Variants in CBLB observed in about 807,000 individuals in gnomAD.
The protein encoded by CBLB is Cbl proto-oncogene B, also known as E3 ubiquitin-protein ligase CBL-B.
A neutral mutation model predicts 104.9 loss-of-function variants in CBLB; 31 were observed. The observed-to-expected ratio is 0.30, with a 90% CI of 0.22 to 0.40. The LOEUF (loss-of-function observed/expected upper bound fraction) is 0.40. Ranked by LOEUF, CBLB falls within the 10% of genes least tolerant of loss-of-function variation. The pLI, the probability that CBLB is intolerant of heterozygous loss-of-function variation, is 1.00. For synonymous variants in CBLB, 440 were observed against 422.6 expected (o/e 1.04, Z -0.51); for missense variants, 1,062 against 1,214.6 (o/e 0.87, Z 1.87).
At chr3:105,854,569 G>A (rs16851673) in intron 2 of CBLB, among the ~76,000 whole-genome samples, 10,434 of 151,348 alleles carry the variant, frequency 0.069, 525 homozygotes, top group Admixed American at 0.15. Flanking sequence ...AAGATACATG[G>A]CTCTCTTCTA....
At chr3:105,688,882 C>T (rs2067328131) in intron 13 of CBLB, among the ~76,000 whole-genome samples, 1 of 152,078 alleles carries the variant, frequency 6.6e-6, no homozygotes, top group Non-Finnish European at 1.5e-5. Context: ...AGCATTTTCA[C>T]TAACTTGTTT....
chr3:105,777,361 G>T (rs565824922), intron 3 of CBLB, among the ~76,000 whole-genome samples: 1 of 152,324 alleles, frequency 6.6e-6, no homozygotes, highest in South Asian at 2.1e-4. Context: ...GTCAGGCTAG[G>T]TGTGGTGACT....
rs73854882 is a variant in CBLB at position 105,791,882 on chromosome 3, G to A, written c.420-15340C>T. On this transcript the variant is annotated intron_variant, in intron 3 of 18. Transcript: ENST00000394030. ...TTTTATTAATATCTATTTTTATCAC[G>A]TACATTCCATAATATTTTATATATG... Among the ~76,000 whole-genome samples the A allele has an allele frequency of 4.0e-3, 616 of 152,158 alleles. 4 individuals are homozygous for A. Among genetic ancestry groups the A allele is most frequent in the African/African-American group, 0.014 (570 of 41,504 alleles).
At chr3:105,699,390 T>A (rs2068793157) in intron 12 of CBLB, among the ~76,000 whole-genome samples, 1 of 152,182 alleles carries the variant, frequency 6.6e-6, no homozygotes, top group South Asian at 2.1e-4. Flanking sequence ...TTATCCTAGA[T>A]ACCAGGTATT....
chr3:105,795,636 T>C (rs1311583575), intron 3 of CBLB, among the ~76,000 whole-genome samples: 1 of 152,194 alleles, frequency 6.6e-6, no homozygotes, highest in South Asian at 2.1e-4. Context: ...CAAAGCTCAA[T>C]GTGAAATAGC....
chr3:105,748,748 G>A (rs1230876037), intron 5 of CBLB, among the ~76,000 whole-genome samples: 1 of 152,168 alleles, frequency 6.6e-6, no homozygotes, highest in Admixed American at 6.5e-5. Context: ...CTGCATATAA[G>A]AATGAAAGCC....
intron 3 of CBLB, among the ~76,000 whole-genome samples, chr3:105,796,071 C>T (rs113670061): frequency 1.3e-5 from 2 of 152,082 alleles, no homozygotes; most frequent in East Asian, 3.9e-4. Context: ...TGACATTCTT[C>T]ACAGAATTAG....
intron 9 of CBLB, among the ~76,000 whole-genome samples, chr3:105,727,478 T>G (rs996791719): frequency 6.6e-6 from 1 of 152,218 alleles, no homozygotes; most frequent in East Asian, 1.9e-4. Context: ...CTGTAAAAAT[T>G]TTCCCTCATT....
intron 3 of CBLB, among the ~76,000 whole-genome samples, chr3:105,848,063 T>C (rs1452382019): frequency 2.0e-5 from 3 of 151,932 alleles, no homozygotes; most frequent in African/African-American, 7.2e-5. Context: ...CAGAAATCAC[T>C]GAATTACTCT....
chr3:105,701,631 C>T (rs1483846501), intron 12 of CBLB, among the ~76,000 whole-genome samples: 1 of 151,992 alleles, frequency 6.6e-6, no homozygotes, highest in Non-Finnish European at 1.5e-5. Context: ...GGCGTGGTGG[C>T]AGGTGCCTGC....
chr3:105,671,399 C>A (rs547336597), intron 17 of CBLB: 1 of 216,344 alleles, frequency 4.6e-6, no homozygotes, highest in South Asian at 1.9e-4. Context: ...AATTATACCT[C>A]CTAAATCAAA....
intron 3 of CBLB, among the ~76,000 whole-genome samples, chr3:105,787,173 TGAC>T (rs1280481716): frequency 6.6e-6 from 1 of 152,190 alleles, no homozygotes; most frequent in Non-Finnish European, 1.5e-5. Flanking sequence ...CTGAATACAA[TGAC>T]GACTAAGCAT....
intron 3 of CBLB, among the ~76,000 whole-genome samples, chr3:105,806,825 C>T (rs1183068843): frequency 1.3e-5 from 2 of 152,096 alleles, no homozygotes; most frequent in African/African-American, 4.8e-5. Context: ...AAAACTAAAT[C>T]TTAATTTACC....
At chr3:105,869,287 G>T (rs765271613), upstream of CBLB, 9 of 1,005,462 alleles carry the variant, frequency 9.0e-6, no homozygotes, top group South Asian at 1.2e-4. Context: ...AACGAAAGTG[G>T]AAACGGGAAA....
chr3:105,751,351 T>C (rs752428648), intron 5 of CBLB, 111 bp downstream of exon 5: 6 of 786,790 alleles, frequency 7.6e-6, no homozygotes, highest in Admixed American at 4.0e-5. Flanking sequence ...ATTTTCCATA[T>C]GTTTGTTTAT....
intron 3 of CBLB, among the ~76,000 whole-genome samples, chr3:105,818,454 C>G (rs1346313665): frequency 6.6e-6 from 1 of 151,920 alleles, no homozygotes. Context: ...ACTGAAAGTA[C>G]CAGAGCAATT....
chr3:105,831,155 T>C lies in CBLB; in HGVS notation c.419+22259A>G, dbSNP rs184304010. ...AATCAGAAGAGCAGAAGAGAAAAAG[T>C]GTAAAAATGAAAACACAATCCTTCA... On this transcript the variant is annotated intron_variant, in intron 3 of 18. Transcript: ENST00000394030. Among the ~76,000 whole-genome samples, 35 of 152,170 alleles carry C rather than the reference T, an allele frequency of 2.3e-4. No individual in the cohort carries two copies. The East Asian group carries it at 6.8e-3, about 29-fold the overall frequency.
chr3:105,713,185 T>C (rs2152810296), intron 10 of CBLB, among the ~76,000 whole-genome samples: 1 of 152,282 alleles, frequency 6.6e-6, no homozygotes, highest in Admixed American at 6.5e-5. Context: ...AATGGCTTTT[T>C]ATATATATGA....
intron 16 of CBLB, 186 bp downstream of exon 16, chr3:105,681,293 C>T (rs2152727115): frequency 1.6e-6 from 1 of 621,904 alleles, no homozygotes; most frequent in Non-Finnish European, 2.8e-6. Flanking sequence ...ACACTACTAC[C>T]TTAATCATCT....
Sources: allele counts gnomAD v4.1 joint callset (sites outside exome capture counted in the v4.1 genomes callset), GRCh38; gene constraint gnomAD v4.1.1; transcripts MANE v1.5; gene names NCBI Gene and HGNC (gene_info 2026-07-23, HGNC 2026-07-21).